The following EPPK1 variants were observed in gnomAD, a reference collection of about 807,000 sequenced individuals.
EPPK1 encodes the protein epiplakin.
For missense variants in EPPK1, 3,823 were observed against 3,673.3 expected (o/e 1.04, Z -1.05); for synonymous variants, 1,862 against 1,721.2 (o/e 1.08, Z -2.03).
At chr8:143,875,050 C>T (rs1276935605) in intron 1 of EPPK1, among the ~76,000 whole-genome samples, 2 of 152,184 alleles carry the variant, frequency 1.3e-5, no homozygotes, top group African/African-American at 4.8e-5. Context: ...GACCTCCTCC[C>T]ACCTACCCTC....
At position 143,869,551 on chromosome 8, in the gene EPPK1, G is replaced by A; in HGVS notation, c.3703C>T (p.Gln1235Ter). The A allele has an allele frequency of 6.4e-7, 1 of 1,559,468 alleles. No homozygotes were observed. The highest frequency in any genetic ancestry group is 1.2e-5 in the South Asian group (1 of 86,096). Reference sequence around the variant, plus strand: ...CACAGGCAGGCCTTCACCGCCGGCTGCTCGGCGACCTGGGCGGGCGACTGC... The same window carrying A: ...CACAGGCAGGCCTTCACCGCCGGCTACTCGGCGACCTGGGCGGGCGACTGC... ...GTQSPAQVAEQPAVKACLWGT... is the reference protein window; with the variant it reads ...GTQSPAQVAE The change falls in exon 2 of 2, where the codon CAG (glutamine) becomes TAG (stop). Residue 1235 changes from glutamine to a stop codon, truncating the protein, a stop_gained. Coordinates refer to ENST00000615648, the MANE Select transcript of EPPK1 (RefSeq NM_031308.4). LOFTEE classifies it low-confidence loss of function (END_TRUNC).
In EPPK1 at chr8:143,872,762, G is replaced by C. The variant is rs1554661694; in HGVS notation, c.492C>G (p.Ala164=). The change falls in exon 2 of 2, where the codon GCC becomes GCG. Residue 164 remains alanine (A), a synonymous_variant. Transcript: ENST00000615648. ...QLATGGLVDP[A]QGVLVAPEPA... ...GCTCAGGGGCCACGAGCACTCCCTGGGCGGGGTCCACCAGGCCCCCAGTGG... is the reference window on the plus strand; with the variant it reads ...GCTCAGGGGCCACGAGCACTCCCTGCGCGGGGTCCACCAGGCCCCCAGTGG... 1 of 1,586,922 alleles carries C rather than the reference G, an allele frequency of 6.3e-7. No individual in the cohort carries two copies. The highest frequency in any genetic ancestry group is 1.1e-5 in the South Asian group (1 of 88,234).
In EPPK1 at chr8:143,868,088, G is replaced by A. The variant is rs781813466; in HGVS notation, c.5166C>T (p.Ser1722=). The change falls in exon 2 of 2, where the codon AGC becomes AGT. Residue 1722 remains serine, a synonymous_variant. Transcript: ENST00000615648. ...GGTCGAAGAAGCCCTTGGTGTCGTC[G>A]CTGGGGTCCGCCAGGATGCGGTTCA... ...EEMNRILADP[S]DDTKGFFDPN... is the part of the protein sequence containing the mutation. The A allele has an allele frequency of 6.4e-5, 103 of 1,613,154 alleles. No individual in the cohort carries two copies. The highest frequency in any genetic ancestry group is 4.9e-4 in the Middle Eastern group (3 of 6,082).
Position 143,871,695 on chromosome 8 carries a change from G to C in EPPK1, c.1559C>G (p.Ser520Cys). Reference sequence around the variant, plus strand: ...GGCCAGCATCGCCCTCTGCTCTGAGGAGATGGCCTCAGAGAAGAGCAGCTC... The same window carrying C: ...GGCCAGCATCGCCCTCTGCTCTGAGCAGATGGCCTCAGAGAAGAGCAGCTC... The part of the protein sequence containing the change: ...LWELLFSEAI[S>C]SEQRAMLAQQ... Residue 520 changes from serine to cysteine, a missense_variant, in exon 2 of 2, where the codon TCC becomes TGC. Coordinates refer to ENST00000615648, the MANE Select transcript of EPPK1 (RefSeq NM_031308.4). 1 of 1,606,480 alleles carries C rather than the reference G, an allele frequency of 6.2e-7. No individual in the cohort carries two copies. Among genetic ancestry groups the C allele is most frequent in the Non-Finnish European group, 8.5e-7 (1 of 1,178,058 alleles).
rs1219214467 is a variant in EPPK1 at position 143,867,764 on chromosome 8, G to T, written c.5490C>A (p.Ile1830=). The T allele has an allele frequency of 6.2e-7, 1 of 1,613,626 alleles. No homozygotes were observed. The highest frequency in any genetic ancestry group is 1.3e-5 in the African/African-American group (1 of 74,908). ...QSGGLEKLLE[I]ITTTIEETET... ...CTGTTTCTTCAATTGTCGTGGTGATGATTTCCAGCAATTTCTCCAGGCCCC... is the reference window on the plus strand; with the variant it reads ...CTGTTTCTTCAATTGTCGTGGTGATTATTTCCAGCAATTTCTCCAGGCCCC... The change falls in exon 2 of 2, where the codon ATC becomes ATA. Residue 1830 remains isoleucine, a synonymous_variant. Coordinates refer to ENST00000615648, the MANE Select transcript of EPPK1 (RefSeq NM_031308.4).
At position 143,866,913 on chromosome 8, in the gene EPPK1, C is replaced by T. The variant is rs141900369; in HGVS notation, c.6341G>A (p.Arg2114Lys). 7.2e-4 allele frequency: 1,166 copies of T among 1,613,046 alleles called. 7 individuals are homozygous for T. In the South Asian group the frequency reaches 7.9e-3, roughly 11 times the overall value. The change falls in exon 2 of 2, where the codon AGG becomes AAG. Residue 2114 changes from arginine to lysine, a missense_variant. Coordinates refer to ENST00000615648, the MANE Select transcript of EPPK1 (RefSeq NM_031308.4). ...EAEQVEITVG[R>K]FRGQKPTLWA... is the part of the protein sequence containing the mutation. The stretch of plus-strand genomic sequence containing the variant: ...CAGTGTTGGTTTCTGGCCTCTGAAC[C>T]TTCCCACTGTGATTTCCACTTGCTC...
chr8:143,877,301 G>A (rs1019024376), intron 1 of EPPK1, among the ~76,000 whole-genome samples: 3 of 152,214 alleles, frequency 2.0e-5, no homozygotes, highest in Non-Finnish European at 4.4e-5. Context: ...GGGCCTGGGA[G>A]GGCAGCTGGA....
rs782636977 is a variant in EPPK1, at chr8:143,871,770, G to A, written c.1484C>T (p.Thr495Ile). 3 of 1,611,022 alleles carry A rather than the reference G, an allele frequency of 1.9e-6. No homozygotes were observed. The highest frequency in any genetic ancestry group is 1.1e-5 in the South Asian group (1 of 90,980). Residue 495 changes from threonine to isoleucine, a missense_variant, in exon 2 of 2, where the codon ACA becomes ATA. Coordinates refer to ENST00000615648, the MANE Select transcript of EPPK1 (RefSeq NM_031308.4). ...GAACTTCCCCACAGAGACGGTGGCT[G>A]TGGCCGTGCTCAGGGCCTGCCGAGT... ...YSTRQALSTA[T>I]ATVSVGKFRG...
At chr8:143,874,979 T>C (rs1167311843) in intron 1 of EPPK1, among the ~76,000 whole-genome samples, 1 of 152,120 alleles carries the variant, frequency 6.6e-6, no homozygotes, top group Non-Finnish European at 1.5e-5. Flanking sequence ...ACATGGGCTA[T>C]GGGGGCTCCC....
rs367610078 is a variant in EPPK1, at chr8:143,869,283, G to A, written c.3971C>T (p.Ala1324Val). The change falls in exon 2 of 2, where the codon GCG (alanine) becomes GTG (valine). Residue 1324 changes from alanine (A) to valine (V), a missense_variant. Transcript: ENST00000615648. ...AGAGTAGGGATCTGGGTACCCGGCC[G>A]CCGCCCTCTCGGCCTGCCCGAGCTG... ...SEQLGQAERA[A>V]AGYPDPYSRA... 2.2e-5 allele frequency: 36 copies of A among 1,604,882 alleles called. No individual in the cohort carries two copies. The highest frequency in any genetic ancestry group is 1.7e-4 in the Admixed American group (10 of 59,416).
Position 143,866,637 on chromosome 8 carries a change from G to A in EPPK1, c.6617C>T (p.Thr2206Met), listed in dbSNP as rs782625051. 2.7e-5 allele frequency: 44 copies of A among 1,612,904 alleles called. No individual in the cohort carries two copies. The highest frequency in any genetic ancestry group is 1.2e-4 in the Admixed American group (7 of 60,016). ...GTCGTCCTCCATGAGCTCTTGCGTC[G>A]TGCTCCGTCCCGTTTCCAGGTCCTG... ...MLQDLETGRSTTQELMEDDRV... is the reference protein window; with the variant it reads ...MLQDLETGRSMTQELMEDDRV... The change falls in exon 2 of 2, where the codon ACG becomes ATG. Residue 2206 changes from threonine to methionine, a missense_variant. Thr to Met is a moderately conservative substitution (Grantham distance 81). Transcript: ENST00000615648.
In EPPK1 at chr8:143,872,857, G is replaced by A. The variant is rs2130651684; in HGVS notation, c.397C>T (p.Leu133Phe). 6.4e-7 allele frequency: 1 copy of A among 1,567,490 alleles called. No homozygotes were observed. Among genetic ancestry groups the A allele is most frequent in the East Asian group, 2.3e-5 (1 of 44,370 alleles). The change falls in exon 2 of 2, where the codon CTC becomes TTC. Residue 133 changes from leucine (L) to phenylalanine (F), a missense_variant. Coordinates refer to ENST00000615648, the MANE Select transcript of EPPK1 (RefSeq NM_031308.4). ...PDPYGGEKLA[L>F]FQAIGKEVVD... ...ACCTCCTTCCCGATGGCCTGAAAGA[G>A]GGCCAGCTTCTCACCGCCGTAGGGG...
rs782277909 is a variant in EPPK1, at chr8:143,857,993, TAGAG to T, written c.15257_15260del (p.Ser5086TyrfsTer51). The T allele has an allele frequency of 2.5e-6, 4 of 1,599,014 alleles. No homozygotes were observed. The South Asian group carries it at 3.3e-5, about 13-fold the overall frequency. On this transcript the variant is annotated frameshift_variant, in exon 2 of 2. Transcript: ENST00000615648. LOFTEE classifies it high-confidence loss of function. ...CTGCACGGAGGAAGCCCAGTCACTG[TAGAG>T]AGAGAGAAAGAAATAGGAGCCCCGT...
In EPPK1 at chr8:143,869,697, G is replaced by A. The variant is rs782512801; in HGVS notation, c.3557C>T (p.Thr1186Ile). The change falls in exon 2 of 2, where the codon ACC becomes ATC. Residue 1186 changes from threonine to isoleucine, a missense_variant. Coordinates refer to ENST00000615648, the MANE Select transcript of EPPK1 (RefSeq NM_031308.4). Reference protein sequence around the residue: ...LASVQRWVQETKLLAQARVMV... With the variant: ...LASVQRWVQEIKLLAQARVMV... ...GACGCGGGCCTGGGCCAGGAGCTTG[G>A]TCTCCTGTACCCACCTCTGCACAGA... 5.0e-6 allele frequency: 8 copies of A among 1,595,874 alleles called. No homozygotes were observed. Among genetic ancestry groups the A allele is most frequent in the Non-Finnish European group, 6.8e-6 (8 of 1,172,294 alleles).
rs1554661336 is a variant in EPPK1 at position 143,871,864 on chromosome 8, C to A, written c.1390G>T (p.Ala464Ser). Residue 464 changes from alanine (A) to serine (S), a missense_variant, in exon 2 of 2, where the codon GCC becomes TCC. Physicochemically the swap from Ala to Ser is moderately conservative, Grantham distance 99 (BLOSUM62 1). Coordinates refer to ENST00000615648, the MANE Select transcript of EPPK1 (RefSeq NM_031308.4). ...GGTCCCCCTGAGAGTGGCAGGAAGG[C>A]AAGCCCGGTCTCTGGGTCGGTGACA... Reference protein sequence around the residue: ...LCVTDPETGLAFLPLSGGPRG... With the variant: ...LCVTDPETGLSFLPLSGGPRG... 1 of 1,610,818 alleles carries A rather than the reference C, an allele frequency of 6.2e-7. No individual in the cohort carries two copies. The highest frequency in any genetic ancestry group is 1.3e-5 in the African/African-American group (1 of 74,928).
In EPPK1 at chr8:143,868,840, G is replaced by T. The variant is rs541687733; in HGVS notation, c.4414C>A (p.Leu1472Met). 4.4e-6 allele frequency: 7 copies of T among 1,607,674 alleles called. No individual in the cohort carries two copies. The highest frequency in any genetic ancestry group is 5.9e-6 in the Non-Finnish European group (7 of 1,179,672). Reference sequence around the variant, plus strand: ...GCGCCAACGTATTCGGAGAGCAGCAGGTCCCAGAGTGACACGCTACACCCC... The same window carrying T: ...GCGCCAACGTATTCGGAGAGCAGCATGTCCCAGAGTGACACGCTACACCCC... ...FKGCSVSLWD[L>M]LLSEYVGADK... Residue 1472 changes from leucine to methionine, a missense_variant, in exon 2 of 2, where the codon CTG (leucine) becomes ATG (methionine). Leu to Met is a conservative substitution (Grantham distance 15). Coordinates refer to ENST00000615648, the MANE Select transcript of EPPK1 (RefSeq NM_031308.4).
At chr8:143,873,769 G>T (rs1554662017) in intron 1 of EPPK1, among the ~76,000 whole-genome samples, 1 of 101,636 alleles carries the variant, frequency 9.8e-6, no homozygotes, top group Non-Finnish European at 2.4e-5. Flanking sequence ...TTCTCCAAAG[G>T]CTCTGCCCCA....
chr8:143,867,710 C>T lies in EPPK1; in HGVS notation c.5544G>A (p.Ala1848=), dbSNP rs782160316. 2.0e-5 allele frequency: 33 copies of T among 1,613,544 alleles called. No individual in the cohort carries two copies. The highest frequency in any genetic ancestry group is 1.3e-4 in the South Asian group (12 of 91,082). ...CAGCTGTCACCTCCCCTCTGATGGC[C>T]GCCACTTTGATGCCTTGGTTTTGCG... ...TETQNQGIKV[A]AIRGEVTAAD... is the part of the protein sequence containing the mutation. Residue 1848 remains alanine, a synonymous_variant, in exon 2 of 2, where the codon GCG becomes GCA. Transcript: ENST00000615648.
In EPPK1 at chr8:143,868,771, C is replaced by G. The variant is rs1554660079; in HGVS notation, c.4483G>C (p.Ala1495Pro). The change falls in exon 2 of 2, where the codon GCT (alanine) becomes CCT (proline). Residue 1495 changes from alanine to proline, a missense_variant. Transcript: ENST00000615648. ...ELVALCRSGR[A>P]AALRQVVSAV... ...CTGACCACCTGCCGCAGGGCCGCAG[C>G]CCTCCCAGACCGACAGAGTGCCACC... 1 of 1,596,150 alleles carries G rather than the reference C, an allele frequency of 6.3e-7. No homozygotes were observed. Among genetic ancestry groups the G allele is most frequent in the Non-Finnish European group, 8.5e-7 (1 of 1,176,380 alleles).
Sources: allele counts gnomAD v4.1 joint callset (sites outside exome capture counted in the v4.1 genomes callset), GRCh38; gene constraint gnomAD v4.1.1; transcripts MANE v1.5; gene names NCBI Gene and HGNC (gene_info 2026-07-23, HGNC 2026-07-21).